Variants in TCEANC2 observed in about 807,000 individuals in gnomAD.
TCEANC2 encodes transcription elongation factor A N-terminal and central domain containing 2, also known as transcription elongation factor A N-terminal and central domain-containing protein 2.
In TCEANC2, 20 loss-of-function variants were observed where a neutral mutation model predicts 22.8. The observed-to-expected ratio is 0.88, with a 90% CI of 0.62 to 1.28. The LOEUF is 1.28. TCEANC2 is among the 50% of genes most tolerant of loss of function. The pLI is 0.00. For synonymous variants in TCEANC2, 84 were observed against 95.5 expected (o/e 0.88, Z 0.70); for missense variants, 251 against 249.7 (o/e 1.01, Z -0.03).
At chr1:54,071,320 A>G (rs1475806407) in intron 3 of TCEANC2, among the ~76,000 whole-genome samples, 1 of 152,218 alleles carries the variant, frequency 6.6e-6, no homozygotes, top group East Asian at 1.9e-4. Flanking sequence ...TGGTTCTAGC[A>G]CAGGGTCTCT....
At chr1:54,087,844 TTTGTC>T (rs1570017988) in intron 3 of TCEANC2, among the ~76,000 whole-genome samples, 2 of 152,236 alleles carry the variant, frequency 1.3e-5, no homozygotes, top group East Asian at 3.8e-4. Context: ...ACATTCAGAA[TTTGTC>T]TTGTTTCTTC....
At chr1:54,086,432 G>A (rs1570016837) in intron 3 of TCEANC2, among the ~76,000 whole-genome samples, 1 of 152,314 alleles carries the variant, frequency 6.6e-6, no homozygotes, top group African/African-American at 2.4e-5. Context: ...CTGGAGGAAG[G>A]GACCCTTAAA....
intron 2 of TCEANC2, among the ~76,000 whole-genome samples, chr1:54,063,623 A>C (rs1657896884): frequency 6.6e-6 from 1 of 152,254 alleles, no homozygotes; most frequent in African/African-American, 2.4e-5. Context: ...GGAAATGCTC[A>C]TGAGAACATT....
intron 3 of TCEANC2, among the ~76,000 whole-genome samples, chr1:54,087,680 G>A (rs1474114770): frequency 1.3e-5 from 2 of 152,060 alleles, no homozygotes; most frequent in African/African-American, 2.4e-5. Context: ...ATCACACGTC[G>A]CATTTGGTAG....
intron 2 of TCEANC2, among the ~76,000 whole-genome samples, chr1:54,060,444 C>G (rs1657831952): frequency 6.6e-6 from 1 of 151,730 alleles, no homozygotes; most frequent in African/African-American, 2.4e-5. Context: ...TGGCATGCGC[C>G]TATGGTCCTA....
At chr1:54,069,005 T>G (rs1658008731) in intron 3 of TCEANC2, 108 bp downstream of exon 3, 5 of 1,208,320 alleles carry the variant, frequency 4.1e-6, no homozygotes, top group Admixed American at 3.9e-5. Context: ...ATCAATGCTT[T>G]CAACTCTCTG....
intron 3 of TCEANC2, among the ~76,000 whole-genome samples, chr1:54,082,001 C>T (rs562838365): frequency 3.2e-4 from 49 of 152,286 alleles, no homozygotes; most frequent in African/African-American, 1.2e-3. Context: ...TCCTGTGTGC[C>T]AGTCCCTAAT....
intron 2 of TCEANC2, among the ~76,000 whole-genome samples, chr1:54,056,567 T>C (rs12066419): frequency 0.099 from 14,991 of 151,884 alleles, 1,754 homozygotes; most frequent in African/African-American, 0.29. Context: ...CCTCATGATC[T>C]GCCCACCTCG....
chr1:54,095,940 C>T (rs1035210418), intron 4 of TCEANC2, among the ~76,000 whole-genome samples: 1 of 150,976 alleles, frequency 6.6e-6, no homozygotes, highest in African/African-American at 2.4e-5. Context: ...AAAAACAAAA[C>T]AAAAAAAAAT....
At chr1:54,065,760 A>G (rs1330512772) in intron 2 of TCEANC2, among the ~76,000 whole-genome samples, 1 of 151,568 alleles carries the variant, frequency 6.6e-6, no homozygotes, top group African/African-American at 2.4e-5. Context: ...ATAGAAATAT[A>G]ATAAGTAACT....
chr1:54,088,610 C>A lies in TCEANC2; in HGVS notation c.258C>A (p.Asn86Lys). ...TTCCTGTTCCAGGTCACACTGTGAA[C>A]AAGATGCGTAAACACTCAGATTCAG... ...LKSTRIGHTV[N>K]KMRKHSDSEV... The change falls in exon 4 of 5, where the codon AAC becomes AAA. Residue 86 changes from asparagine (N) to lysine (K), a missense_variant. By Grantham distance (94) the Asn-to-Lys change is moderately conservative. Coordinates refer to ENST00000234827, the MANE Select transcript of TCEANC2 (RefSeq NM_153035.3). 1.2e-6 allele frequency: 2 copies of A among 1,601,370 alleles called. No homozygotes were observed. The highest frequency in any genetic ancestry group is 1.7e-6 in the Non-Finnish European group (2 of 1,176,434).
At chr1:54,080,969 A>G (rs1184858645) in intron 3 of TCEANC2, among the ~76,000 whole-genome samples, 2 of 152,176 alleles carry the variant, frequency 1.3e-5, no homozygotes, top group Non-Finnish European at 2.9e-5. Context: ...CATCTTTTTC[A>G]TCTGAATCAG....
chr1:54,093,703 G>A (rs1658488918), intron 4 of TCEANC2, among the ~76,000 whole-genome samples: 1 of 149,264 alleles, frequency 6.7e-6, no homozygotes, highest in African/African-American at 2.5e-5. Context: ...GCTGAATGAA[G>A]TATGTGAATT....
intron 2 of TCEANC2, among the ~76,000 whole-genome samples, chr1:54,061,139 G>T (rs1033987756): frequency 7.2e-5 from 11 of 152,164 alleles, no homozygotes; most frequent in Non-Finnish European, 1.6e-4. Flanking sequence ...TATGCATGAT[G>T]CTTGGTGTGT....
At chr1:54,091,018 A>T (rs954195093) in intron 4 of TCEANC2, among the ~76,000 whole-genome samples, 1 of 152,206 alleles carries the variant, frequency 6.6e-6, no homozygotes, top group Non-Finnish European at 1.5e-5. Context: ...AGCAAAGTTA[A>T]AAAAGTGATA....
At chr1:54,069,603 C>CAAAAAAAAA (rs1333889985) in intron 3 of TCEANC2, among the ~76,000 whole-genome samples, 1 of 67,652 alleles carries the variant, frequency 1.5e-5, no homozygotes. Flanking sequence ...GACTCTGTCT[C>CAAAAAAAAA]AAAAAAAAAA....
In TCEANC2 at chr1:54,102,981, G is replaced by A. The variant is rs1658688081; in HGVS notation, c.*6508G>A. On this transcript the variant is annotated 3_prime_UTR_variant, in exon 5 of 5. Coordinates refer to ENST00000234827, the MANE Select transcript of TCEANC2 (RefSeq NM_153035.3). ...CAGTGGTGAATGGCTTGGCTGGTTG[G>A]TAAGGGGTCTGAAAGGAATAAGATT... is the stretch of plus-strand genomic sequence containing the variant. The A allele has an allele frequency of 6.6e-6, 1 of 152,486 alleles. No individual in the cohort carries two copies. The highest frequency in any genetic ancestry group is 2.4e-5 in the African/African-American group (1 of 41,470). 9.4% of individuals were successfully genotyped at this position (152,486 alleles called of 1,614,324 possible).
At chr1:54,055,955 G>C (rs1466077837) in intron 2 of TCEANC2, among the ~76,000 whole-genome samples, 1 of 152,188 alleles carries the variant, frequency 6.6e-6, no homozygotes, top group Non-Finnish European at 1.5e-5. Flanking sequence ...AGCTGCTGGT[G>C]GTTTACAGGA....
downstream of TCEANC2, among the ~76,000 whole-genome samples, chr1:54,109,472 G>A (rs1168654529): frequency 1.3e-5 from 2 of 152,190 alleles, no homozygotes; most frequent in Non-Finnish European, 1.5e-5. Flanking sequence ...GTTTTCAGGT[G>A]AGGAAACTCC....
Sources: allele counts gnomAD v4.1 joint callset (sites outside exome capture counted in the v4.1 genomes callset), GRCh38; gene constraint gnomAD v4.1.1; transcripts MANE v1.5; gene names NCBI Gene and HGNC (gene_info 2026-07-23, HGNC 2026-07-21).